The following SAMD3 variants were observed in gnomAD, a reference collection of about 807,000 sequenced individuals.
SAMD3 encodes sterile alpha motif domain-containing protein 3.
In SAMD3, 63 loss-of-function variants were observed where a neutral mutation model predicts 58.5. The ratio of observed to expected loss-of-function variants is 1.08; its 90% CI spans 0.88 to 1.33. The LOEUF (loss-of-function observed/expected upper bound fraction) is 1.33. SAMD3 is among the 40% of genes most tolerant of loss of function. SAMD3 has a pLI of 0.00. For missense variants in SAMD3, 604 were observed against 608.4 expected, an observed-to-expected ratio of 0.99 and a Z score of 0.08; for synonymous variants, 220 against 210.3, an observed-to-expected ratio of 1.05 and a Z score of -0.40.
chr6:130,320,206 A>T (rs2114999892), intron 1 of SAMD3, among the ~76,000 whole-genome samples: 1 of 151,880 alleles, frequency 6.6e-6, no homozygotes, highest in Middle Eastern at 3.4e-3. Context: ...TCAAAACTCA[A>T]ACAACTCTTT....
In SAMD3 at chr6:130,268,895, C is replaced by T. The variant is rs575924208; in HGVS notation, c.-188+44083G>A. ...ATATGTGATTTTCCCAATATTTCTACTACACTGTAACTTGCCTTTTTATCC... is the reference window on the plus strand; with the variant it reads ...ATATGTGATTTTCCCAATATTTCTATTACACTGTAACTTGCCTTTTTATCC... On this transcript the variant is annotated intron_variant, in intron 2 of 13. Coordinates refer to the SAMD3 transcript ENST00000368134. Among the ~76,000 whole-genome samples the T allele has an allele frequency of 3.9e-5, 6 of 152,300 alleles. No homozygotes were observed. In the South Asian group the frequency reaches 1.0e-3, roughly 26 times the overall value.
intron 5 of SAMD3, among the ~76,000 whole-genome samples, chr6:130,207,810 A>C (rs1463325016): frequency 1.3e-5 from 2 of 152,222 alleles, no homozygotes; most frequent in Non-Finnish European, 2.9e-5. Context: ...ATCTTGAGGC[A>C]CTGAGGCTGT....
At chr6:130,192,997 G>A (rs777915008) in intron 5 of SAMD3, among the ~76,000 whole-genome samples, 10 of 152,064 alleles carry the variant, frequency 6.6e-5, no homozygotes, top group Non-Finnish European at 1.3e-4. Flanking sequence ...AGAGACAAAG[G>A]AGACACGTTT....
chr6:130,308,395 A>ATTCTATTCTATTCTATTCT (rs1554273464), intron 2 of SAMD3, among the ~76,000 whole-genome samples: 71 of 142,760 alleles, frequency 5.0e-4, no homozygotes, highest in African/African-American at 1.3e-3. Flanking sequence ...ATTCTATTCT[A>ATTCTATTCTATTCTATTCT]TTCTATTCTA....
At chr6:130,304,385 G>T (rs1292632128) in intron 2 of SAMD3, among the ~76,000 whole-genome samples, 2 of 152,132 alleles carry the variant, frequency 1.3e-5, no homozygotes, top group African/African-American at 4.8e-5. Flanking sequence ...GGCCAGGCTG[G>T]TCTCGAACTC....
rs1413269760 is a variant in SAMD3, at chr6:130,363,544, A to G, written c.-304+1576T>C. On this transcript the variant is annotated intron_variant, in intron 1 of 13. Coordinates refer to the SAMD3 transcript ENST00000368134. The stretch of plus-strand genomic sequence containing the variant: ...AAACAAGTTTGATGTGAGTGTATAT[A>G]TGTTCAATCACATATGTATTGAGGA... 3.3e-5 allele frequency among the ~76,000 whole-genome samples: 5 copies of G among 152,162 alleles called. No homozygotes were observed. The East Asian group carries it at 9.6e-4, about 29-fold the overall frequency.
At chr6:130,302,262 G>A (rs1775773795) in intron 2 of SAMD3, among the ~76,000 whole-genome samples, 1 of 152,006 alleles carries the variant, frequency 6.6e-6, no homozygotes, top group African/African-American at 2.4e-5. Context: ...TAAAAAGCAG[G>A]CAAAGGACAT....
In SAMD3 at chr6:130,264,874, T is replaced by G. The variant is rs1583024941; in HGVS notation, c.-187-42061A>C. Among the ~76,000 whole-genome samples, 3 of 150,204 alleles carry G rather than the reference T, an allele frequency of 2.0e-5. No homozygotes were observed. The South Asian group carries it at 6.3e-4, about 31-fold the overall frequency. On this transcript the variant is annotated intron_variant, in intron 2 of 13. Coordinates refer to the SAMD3 transcript ENST00000368134. ...GTGTCAGAAAAAAAAAAAATGGCAG[T>G]TGGAGTTTTAACCCAGACTGTAGGG... is the stretch of plus-strand genomic sequence containing the variant.
At chr6:130,142,882 G>A (rs1350758876), downstream of SAMD3, 2 of 152,242 alleles carry the variant, frequency 1.3e-5, no homozygotes, top group Non-Finnish European at 2.9e-5. Context: ...AAGGAAGAAG[G>A]AGTAATTTGG....
chr6:130,219,972 G>C (rs779635989), intron 1 of SAMD3, among the ~76,000 whole-genome samples: 10 of 152,172 alleles, frequency 6.6e-5, no homozygotes, highest in Admixed American at 5.2e-4. Context: ...CACAGTCATA[G>C]TAACTTAAAT....
At chr6:130,342,241 G>A (rs1366309340) in intron 1 of SAMD3, among the ~76,000 whole-genome samples, 1 of 152,176 alleles carries the variant, frequency 6.6e-6, no homozygotes, top group Middle Eastern at 3.2e-3. Context: ...AAGAACTAGA[G>A]ATTTAAAGCC....
intron 7 of SAMD3, chr6:130,183,597 G>GACTCTAAAGCGAACAGCTCA (rs1792622896): frequency 2.9e-6 from 1 of 343,068 alleles, no homozygotes; most frequent in Non-Finnish European, 5.7e-6. Context: ...AAACCCTTAA[G>GACTCTAAAGCGAACAGCTCA]ACTCTAAAGC....
intron 1 of SAMD3, among the ~76,000 whole-genome samples, chr6:130,340,912 T>C (rs1038084245): frequency 1.3e-5 from 2 of 152,234 alleles, no homozygotes; most frequent in Non-Finnish European, 2.9e-5. Flanking sequence ...TGTTTGAAGA[T>C]GTTTGATTTC....
At chr6:130,225,590 C>A (rs1796364040), upstream of SAMD3, among the ~76,000 whole-genome samples, 1 of 152,180 alleles carries the variant, frequency 6.6e-6, no homozygotes, top group Non-Finnish European at 1.5e-5. Context: ...TAGATTGTTC[C>A]AAGGTAAACT....
intron 1 of SAMD3, among the ~76,000 whole-genome samples, chr6:130,355,929 G>C (rs1777815007): frequency 6.6e-6 from 1 of 152,164 alleles, no homozygotes; most frequent in South Asian, 2.1e-4. Context: ...ATTCCACACT[G>C]TCTTTTCCAT....
intron 2 of SAMD3, among the ~76,000 whole-genome samples, chr6:130,288,205 T>C (rs62433321): frequency 2.4e-3 from 363 of 152,246 alleles, no homozygotes; most frequent in Admixed American, 4.5e-3. Context: ...AAAAAGAGAT[T>C]GATTTTAAGG....
intron 1 of SAMD3, among the ~76,000 whole-genome samples, chr6:130,336,458 C>T (rs984731120): frequency 3.3e-5 from 5 of 152,192 alleles, no homozygotes; most frequent in African/African-American, 1.2e-4. Flanking sequence ...GAATTTACTA[C>T]AGTTGTGGAG....
intron 5 of SAMD3, among the ~76,000 whole-genome samples, chr6:130,191,290 T>A (rs1490284655): frequency 6.6e-6 from 1 of 152,160 alleles, no homozygotes; most frequent in Non-Finnish European, 1.5e-5. Flanking sequence ...AGAGGAGAGT[T>A]ACTGCTTCCT....
intron 2 of SAMD3, among the ~76,000 whole-genome samples, chr6:130,302,154 T>G (rs1026272848): frequency 6.6e-6 from 1 of 151,708 alleles, no homozygotes; most frequent in Non-Finnish European, 1.5e-5. Flanking sequence ...CCAGAAACAA[T>G]CAATAGAATA....
Sources: allele counts gnomAD v4.1 joint callset (sites outside exome capture counted in the v4.1 genomes callset), GRCh38; gene constraint gnomAD v4.1.1; transcripts MANE v1.5; gene names NCBI Gene and HGNC (gene_info 2026-07-23, HGNC 2026-07-21).